CCDC180: variants seen among roughly 807,000 people sequenced by gnomAD.
CCDC180 encodes coiled-coil domain-containing protein 180.
In CCDC180, 154 loss-of-function variants were observed where a neutral mutation model predicts 209.2. That is an observed-to-expected ratio of 0.74 (90% CI 0.65 to 0.84). CCDC180 has a LOEUF of 0.84. CCDC180 is among the 40% of genes least tolerant of loss of function. The pLI, the probability that CCDC180 is intolerant of heterozygous loss-of-function variation, is 0.00. For missense variants in CCDC180, 1,874 were observed against 1,997.3 expected (o/e 0.94, Z 1.18); for synonymous variants, 778 against 749.1 (o/e 1.04, Z -0.63).
intron 31 of CCDC180, among the ~76,000 whole-genome samples, chr9:97,368,757 T>C (rs1826995373): frequency 6.6e-6 from 1 of 152,152 alleles, no homozygotes; most frequent in Non-Finnish European, 1.5e-5. Context: ...AAATTCTCTC[T>C]AGGAAAATCT....
chr9:97,365,975 A>G (rs1387907682), intron 30 of CCDC180, among the ~76,000 whole-genome samples: 3 of 152,236 alleles, frequency 2.0e-5, no homozygotes, highest in South Asian at 2.1e-4. Context: ...CATGTCAGGT[A>G]CTGTGTGTGC....
At chr9:97,365,826 A>G (rs1221841060) in intron 30 of CCDC180, 87 bp downstream of exon 30, 1 of 1,203,266 alleles carries the variant, frequency 8.3e-7, no homozygotes, top group South Asian at 1.2e-5. Context: ...TTGGGGGAAA[A>G]TGAGGAAGAG....
Position 97,374,532 on chromosome 9 carries a change from T to C in CCDC180, c.4601-11T>C. 1 of 1,608,480 alleles carries C rather than the reference T, an allele frequency of 6.2e-7. No homozygotes were observed. The highest frequency in any genetic ancestry group is 8.5e-7 in the Non-Finnish European group (1 of 1,175,446). On this transcript the variant is annotated splice_polypyrimidine_tract_variant and intron_variant, in intron 34 of 36. Coordinates refer to ENST00000529487, the MANE Select transcript of CCDC180 (RefSeq NM_020893.6). Reference sequence around the variant, plus strand: ...TGAGGCTGCAGTCACTAGCCTGTCTTTTGCCTCTAGGGATGGAGCCCCCCA... The same window carrying C: ...TGAGGCTGCAGTCACTAGCCTGTCTCTTGCCTCTAGGGATGGAGCCCCCCA...
intron 3 of CCDC180, 41 bp downstream of exon 3, chr9:97,309,645 T>A (rs760185118): frequency 5.0e-5 from 73 of 1,460,582 alleles, no homozygotes; most frequent in Non-Finnish European, 6.1e-5. Context: ...TGCACTAGGG[T>A]ACCTGAGCCT....
At chr9:97,335,447 C>A (rs958637474) in intron 18 of CCDC180, among the ~76,000 whole-genome samples, 2 of 152,060 alleles carry the variant, frequency 1.3e-5, no homozygotes, top group East Asian at 3.9e-4. Context: ...TCTATCCTTG[C>A]GATAGTTTGC....
chr9:97,347,386 G>T lies in CCDC180; in HGVS notation c.2571G>T (p.Val857=), dbSNP rs1826290501. The T allele has an allele frequency of 6.5e-7, 1 of 1,535,992 alleles. No homozygotes were observed. The highest frequency in any genetic ancestry group is 8.7e-7 in the Non-Finnish European group (1 of 1,146,922). ...GTTCCCTCAACACCCGGGTCACCGT[G>T]GCCACCAAAATCAATGAGCTGGATT... The part of the protein sequence containing the change: ...DQCSLNTRVT[V]ATKINELDSE... The change falls in exon 20 of 37, where the codon GTG becomes GTT. Residue 857 remains valine, a synonymous_variant. Coordinates refer to ENST00000529487, the MANE Select transcript of CCDC180 (RefSeq NM_020893.6).
chr9:97,343,307 A>G (rs1826142230), intron 18 of CCDC180, 33 bp from the exon 19 acceptor site: 1 of 1,415,072 alleles, frequency 7.1e-7, no homozygotes, highest in African/African-American at 1.4e-5. Flanking sequence ...ATTTGATGAT[A>G]TCAAGTCAAC....
At chr9:97,318,380 T>A in intron 9 of CCDC180, 83 bp from the exon 10 acceptor site, 1 of 1,526,980 alleles carries the variant, frequency 6.5e-7, no homozygotes, top group South Asian at 1.2e-5. Flanking sequence ...CTCTGAATGC[T>A]GTCACCATGG....
Position 97,371,699 on chromosome 9 carries a change from G to C in CCDC180, c.4593G>C (p.Gln1531His), listed in dbSNP as rs1827105907. ...LDEVVTIDDVQVARMEPPKQK... is the reference protein window; with the variant it reads ...LDEVVTIDDVHVARMEPPKQK... Reference sequence around the variant, plus strand: ...AGGTGGTCACCATTGACGATGTCCAGGTTGCAAGTAAGAGGCACCACCAGC... The same window carrying C: ...AGGTGGTCACCATTGACGATGTCCACGTTGCAAGTAAGAGGCACCACCAGC... Residue 1531 changes from glutamine (Q) to histidine (H), a missense_variant, in exon 34 of 37, where the codon CAG becomes CAC. Gln to His is a conservative substitution (Grantham distance 24, BLOSUM62 0). Transcript: ENST00000529487. 1.3e-6 allele frequency: 2 copies of C among 1,590,410 alleles called. No homozygotes were observed. The highest frequency in any genetic ancestry group is 1.7e-6 in the Non-Finnish European group (2 of 1,160,864).
chr9:97,334,281 T>A (rs1825838781), intron 18 of CCDC180, among the ~76,000 whole-genome samples: 1 of 152,196 alleles, frequency 6.6e-6, no homozygotes, highest in Non-Finnish European at 1.5e-5. Context: ...GGAGCCGTTA[T>A]TAGCAATAGC....
intron 28 of CCDC180, chr9:97,363,813 A>C: frequency 1.7e-6 from 1 of 572,622 alleles, no homozygotes; most frequent in Non-Finnish European, 3.2e-6. Flanking sequence ...TTGCCCTCTC[A>C]CAGCAGCTGT....
intron 18 of CCDC180, among the ~76,000 whole-genome samples, chr9:97,334,182 C>G (rs1284907291): frequency 6.6e-6 from 1 of 152,228 alleles, no homozygotes; most frequent in African/African-American, 2.4e-5. Flanking sequence ...AAACAATGCT[C>G]CTATCCTAGA....
intron 18 of CCDC180, among the ~76,000 whole-genome samples, chr9:97,341,214 C>A (rs1207248301): frequency 1.3e-5 from 2 of 152,128 alleles, no homozygotes; most frequent in Non-Finnish European, 2.9e-5. Flanking sequence ...AACTGTGCAG[C>A]CAGACATTCA....
At chr9:97,360,662 C>G (rs1172503500) in intron 26 of CCDC180, among the ~76,000 whole-genome samples, 1 of 152,182 alleles carries the variant, frequency 6.6e-6, no homozygotes, top group Non-Finnish European at 1.5e-5. Flanking sequence ...CTTCATCCCT[C>G]TCACTCCGCC....
At chr9:97,375,367 A>G (rs1243899884) in intron 35 of CCDC180, 87 bp from the exon 36 acceptor site, 3 of 1,540,464 alleles carry the variant, frequency 1.9e-6, no homozygotes, top group African/African-American at 2.8e-5. Context: ...TTTTCAAAGA[A>G]ATGCTAAGCT....
chr9:97,357,829 A>G (rs1252639868), intron 25 of CCDC180, 104 bp downstream of exon 25: 5 of 914,774 alleles, frequency 5.5e-6, no homozygotes, highest in Middle Eastern at 6.7e-4. Flanking sequence ...CTCCAGCACA[A>G]GGTTGGCGGG....
Position 97,317,118 on chromosome 9 carries a change from C to A in CCDC180, c.849C>A (p.Val283=). The change falls in exon 9 of 37, where the codon GTC becomes GTA. Residue 283 remains valine (V), a synonymous_variant. Coordinates refer to ENST00000529487, the MANE Select transcript of CCDC180 (RefSeq NM_020893.6). ...GGAAGGCTCTCGCCCAGCTGTTTGT[C>A]AACCTGATGGAGTCCACCCTGCAGC... ...GNRKALAQLF[V]NLMESTLQQE... is the part of the protein sequence containing the mutation. 3 of 1,613,492 alleles carry A rather than the reference C, an allele frequency of 1.9e-6. No individual in the cohort carries two copies. Among genetic ancestry groups the A allele is most frequent in the South Asian group, 1.1e-5 (1 of 91,054 alleles).
intron 13 of CCDC180, 92 bp downstream of exon 13, chr9:97,323,995 C>G: frequency 7.0e-7 from 1 of 1,433,986 alleles, no homozygotes; most frequent in Non-Finnish European, 9.4e-7. Context: ...AGAACTCCAA[C>G]TTGCATGTTC....
At chr9:97,343,113 T>A (rs1383713764) in intron 18 of CCDC180, among the ~76,000 whole-genome samples, 2 of 152,184 alleles carry the variant, frequency 1.3e-5, no homozygotes, top group Non-Finnish European at 2.9e-5. Context: ...AGGCTCAGAA[T>A]TGACATATTT....
Sources: gnomAD v4.1 joint callset for allele counts (sites outside exome capture counted in the v4.1 genomes callset) on GRCh38, gnomAD v4.1.1 for gene constraint, MANE v1.5 for transcripts, NCBI Gene and HGNC (gene_info 2026-07-23, HGNC 2026-07-21) for gene names.